The following CCDC74B variants were observed in gnomAD, a reference collection of about 807,000 sequenced individuals.
CCDC74B encodes the protein coiled-coil domain-containing protein 74B.
Under a neutral mutation model 38.0 loss-of-function variants are expected in CCDC74B, and 34 were observed. The observed-to-expected ratio is 0.89, with a 90% confidence interval of 0.68 to 1.19. The LOEUF (loss-of-function observed/expected upper bound fraction) is 1.19, where lower values mean the gene tolerates loss of function less well. Among genes scored for constraint, CCDC74B ranks in the 50% most tolerant of loss-of-function variants. The pLI is 0.00. For missense variants in CCDC74B, 358 were observed against 406.0 expected (o/e 0.88, Z 1.02); for synonymous variants, 132 against 170.4 (o/e 0.77, Z 1.76).
intron 1 of CCDC74B, chr2:130,144,351 G>A (rs1458507985): frequency 2.5e-6 from 2 of 787,138 alleles, no homozygotes; most frequent in African/African-American, 3.4e-5. Flanking sequence ...GTGTTAGCCA[G>A]GATGGTCTCG....
chr2:130,144,973 A>G lies in CCDC74B; in HGVS notation c.24T>C (p.Ala8=), dbSNP rs1166902892. 2.0e-6 allele frequency: 3 copies of G among 1,475,442 alleles called. No homozygotes were observed. In the African/African-American group the frequency reaches 4.3e-5, roughly 21 times the overall value. 91.4% of individuals were successfully genotyped at this position (1,475,442 alleles called of 1,614,324 possible). MSGAGVA[A]GTRPPSSPTP... is the part of the protein sequence containing the mutation. ...TCGGCGAGCTGGGGGGCCGCGTCCC[A>G]GCCGCCACCCCCGCACCGCTCATAT... The change falls in exon 1 of 8, where the codon GCT becomes GCC. Residue 8 remains alanine, a synonymous_variant. Coordinates refer to ENST00000409943, the MANE Select transcript of CCDC74B (RefSeq NM_001258307.2).
At position 130,144,753 on chromosome 2, in the gene CCDC74B, T is replaced by C. The variant is rs1685925876; in HGVS notation, c.244A>G (p.Asn82Asp). ...HEEIEHLKRE[N>D]KDLRYKLIMN... ...GGGCCCCGCGCCGGCTCACCCTTGTTTTCCCGCTTCAGATGCTCGATCTCC... is the reference window on the plus strand; with the variant it reads ...GGGCCCCGCGCCGGCTCACCCTTGTCTTCCCGCTTCAGATGCTCGATCTCC... Residue 82 changes from asparagine (N) to aspartate (D), a missense_variant, in exon 1 of 8, where the codon AAC becomes GAC. Physicochemically the swap from Asn to Asp is conservative, Grantham distance 23. Coordinates refer to ENST00000409943, the MANE Select transcript of CCDC74B (RefSeq NM_001258307.2). 6.2e-7 allele frequency: 1 copy of C among 1,612,214 alleles called. No individual in the cohort carries two copies. The highest frequency in any genetic ancestry group is 1.3e-5 in the African/African-American group (1 of 74,466).
chr2:130,144,198 G>C (rs889587419), intron 1 of CCDC74B, among the ~76,000 whole-genome samples: 98 of 152,280 alleles, frequency 6.4e-4, no homozygotes, highest in Admixed American at 1.1e-3. Flanking sequence ...GGAGTGCAGT[G>C]GCAAGATCTC....
At position 130,143,301 on chromosome 2, in the gene CCDC74B, T is replaced by G. The variant is rs1476671424; in HGVS notation, c.263A>C (p.Lys88Thr). 7 of 1,613,960 alleles carry G rather than the reference T, an allele frequency of 4.3e-6. No individual in the cohort carries two copies. Among genetic ancestry groups the G allele is most frequent in the Non-Finnish European group, 5.9e-6 (7 of 1,179,854 alleles). ...CTGTGATGTCTGATTCATTATGAGC[T>G]TGTAACGGAGATCTGAAAGCAAGCA... is the stretch of plus-strand genomic sequence containing the variant. ...LKRENKDLRY[K>T]LIMNQTSQKK... Residue 88 changes from lysine (K) to threonine (T), a missense_variant, in exon 2 of 8, where the codon AAG (lysine) becomes ACG (threonine). Coordinates refer to ENST00000409943, the MANE Select transcript of CCDC74B (RefSeq NM_001258307.2).
At position 130,139,568 on chromosome 2, in the gene CCDC74B, C is replaced by T. The variant is rs146190210; in HGVS notation, c.932G>A (p.Arg311His). Residue 311 changes from arginine (R) to histidine (H), a missense_variant, in exon 8 of 8, where the codon CGC becomes CAC. Physicochemically the swap from Arg to His is conservative, Grantham distance 29. This residue lies in a region of CCDC74B where 213 missense variants were observed against 212.3 expected (regional missense o/e 1.00). Coordinates refer to ENST00000409943, the MANE Select transcript of CCDC74B (RefSeq NM_001258307.2). ...GATGCGGGTAGCTCAAAGCACCGAG[C>T]GATGCAGGCGCCGTTTCTGCATTGC... is the stretch of plus-strand genomic sequence containing the variant. ...LQAMQKRRLH[R>H]SVL 4.2e-5 allele frequency: 68 copies of T among 1,613,384 alleles called. 1 individual carries two copies. In the African/African-American group the frequency reaches 7.1e-4, roughly 17 times the overall value.
chr2:130,142,433 G>A (rs747536088), intron 2 of CCDC74B: 40 of 1,613,338 alleles, frequency 2.5e-5, no homozygotes, highest in Non-Finnish European at 3.0e-5. Context: ...CCGAGGGAGA[G>A]CATGGCCTCT....
chr2:130,140,217 G>A lies in CCDC74B; in HGVS notation c.640C>T (p.Arg214Cys), dbSNP rs750987487. Reference sequence around the variant, plus strand: ...AGGAGGTTGGTATTCCACAGCTCGCGGATGAGCACTTCGCACTGCCTAAGT... The same window carrying A: ...AGGAGGTTGGTATTCCACAGCTCGCAGATGAGCACTTCGCACTGCCTAAGT... Reference protein sequence around the residue: ...TTLRQCEVLIRELWNTNLLQT... With the variant: ...TTLRQCEVLICELWNTNLLQT... Residue 214 changes from arginine to cysteine, a missense_variant, in exon 5 of 8, where the codon CGC becomes TGC. Physicochemically the swap from Arg to Cys is radical, Grantham distance 180. Transcript: ENST00000409943. 37 of 1,613,236 alleles carry A rather than the reference G, an allele frequency of 2.3e-5. No individual in the cohort carries two copies. Among genetic ancestry groups the A allele is most frequent in the South Asian group, 3.3e-5 (3 of 91,060 alleles).
rs10184921 is a variant in CCDC74B, at chr2:130,140,123, G to A, written c.679-27C>T. 4.5e-4 allele frequency: 731 copies of A among 1,612,774 alleles called. 3 individuals are homozygous for A. In the African/African-American group the frequency reaches 8.4e-3, roughly 19 times the overall value. ...TGAAAGGCAGGGGCAGGGGCGTGGT[G>A]GGGCCTGTGGCGGTGCCAGACTGCC... On this transcript the variant is annotated intron_variant, in intron 5 of 7. Coordinates refer to ENST00000409943, the MANE Select transcript of CCDC74B (RefSeq NM_001258307.2).
Position 130,139,339 on chromosome 2 carries a change from T to C in CCDC74B, c.*216A>G. On this transcript the variant is annotated 3_prime_UTR_variant, in exon 8 of 8. Transcript: ENST00000409943. ...TTTCAACAGGTAAGGCGATACCTGC[T>C]TCATCGTGTGCTTTTATGTAAATGC... The C allele has an allele frequency of 4.9e-6, 3 of 609,938 alleles. No homozygotes were observed. The highest frequency in any genetic ancestry group is 8.6e-6 in the Non-Finnish European group (3 of 350,768). The allele number at this position is 609,938 out of a possible 1,614,324, so 37.8% of individuals were successfully genotyped here.
At position 130,140,266 on chromosome 2, in the gene CCDC74B, G is replaced by A. The variant is rs772159417; in HGVS notation, c.591C>T (p.Pro197=). Residue 197 remains proline, a synonymous_variant, in exon 5 of 8, where the codon CCC becomes CCT. Transcript: ENST00000409943. Reference sequence around the variant, plus strand: ...GTGTGGTGGGCTTTCGCAGGGGAAGGGGCAGGATCATTGGGGGGTGTGCCG... The same window carrying A: ...GTGTGGTGGGCTTTCGCAGGGGAAGAGGCAGGATCATTGGGGGGTGTGCCG... ...GAAAHPPMIL[P]LPLRKPTTLR... The A allele has an allele frequency of 3.7e-6, 6 of 1,613,416 alleles. No homozygotes were observed. In the East Asian group the frequency reaches 1.1e-4, roughly 30 times the overall value.
chr2:130,144,687 G>A (rs766458831), intron 1 of CCDC74B, 60 bp downstream of exon 1: 94 of 1,591,886 alleles, frequency 5.9e-5, no homozygotes, highest in Non-Finnish European at 7.2e-5. Context: ...TGCTGCGGGA[G>A]CGGCAGTGTT....
chr2:130,144,746 C>A lies in CCDC74B; in HGVS notation c.250+1G>T. On this transcript the variant is annotated splice_donor_variant, in intron 1 of 7. Coordinates refer to ENST00000409943, the MANE Select transcript of CCDC74B (RefSeq NM_001258307.2). LOFTEE classifies it high-confidence loss of function. ...CGGCCTAGGGCCCCGCGCCGGCTCA[C>A]CCTTGTTTTCCCGCTTCAGATGCTC... The A allele has an allele frequency of 6.2e-7, 1 of 1,611,958 alleles. No individual in the cohort carries two copies. Among genetic ancestry groups the A allele is most frequent in the Non-Finnish European group, 8.5e-7 (1 of 1,179,392 alleles).
At position 130,139,718 on chromosome 2, in the gene CCDC74B, G is replaced by A. The variant is rs144853884; in HGVS notation, c.810-28C>T. On this transcript the variant is annotated intron_variant, in intron 7 of 7. Coordinates refer to ENST00000409943, the MANE Select transcript of CCDC74B (RefSeq NM_001258307.2). ...GGGGGCGGGTAGAGGGACTGTCACC[G>A]TGAGCATCCTCGCGAGTGGAGTGTG... is the stretch of plus-strand genomic sequence containing the variant. The A allele has an allele frequency of 6.7e-4, 1,081 of 1,612,006 alleles. 5 individuals carry two copies. The African/African-American group carries it at 0.012, about 18-fold the overall frequency.
Position 130,142,157 on chromosome 2 carries a change from A to G in CCDC74B, c.322T>C (p.Ser108Pro). ...CCTGAATTAGAGATGGACTTGACAG[A>G]CTGGAAGCTTGACGTGGAGAGGCTG... is the stretch of plus-strand genomic sequence containing the variant. ...KDSLSTSSFQ[S>P]VKSISNSGKA... Residue 108 changes from serine to proline, a missense_variant, in exon 3 of 8, where the codon TCT (serine) becomes CCT (proline). By Grantham distance (74) the Ser-to-Pro change is moderately conservative (BLOSUM62 -1). Coordinates refer to ENST00000409943, the MANE Select transcript of CCDC74B (RefSeq NM_001258307.2). 6.2e-7 allele frequency: 1 copy of G among 1,613,708 alleles called. No homozygotes were observed. Among genetic ancestry groups the G allele is most frequent in the African/African-American group, 1.3e-5 (1 of 75,048 alleles).
intron 2 of CCDC74B, chr2:130,143,050 C>T (rs779821132): frequency 3.4e-6 from 5 of 1,489,774 alleles, no homozygotes; most frequent in Non-Finnish European, 4.5e-6. Flanking sequence ...GCAATGACCT[C>T]AGGCCCTGGG....
At chr2:130,143,128 C>T in intron 2 of CCDC74B, 141 bp downstream of exon 2, 1 of 1,521,854 alleles carries the variant, frequency 6.6e-7, no homozygotes, top group Middle Eastern at 1.8e-4. Context: ...GAGGTAGCGG[C>T]ATCTGTCCAG....
At position 130,141,236 on chromosome 2, in the gene CCDC74B, T is replaced by C. The variant is rs1341908015; in HGVS notation, c.407A>G (p.Gln136Arg). Residue 136 changes from glutamine to arginine, a missense_variant, in exon 4 of 8, where the codon CAG becomes CGG. Physicochemically the swap from Gln to Arg is conservative, Grantham distance 43. Coordinates refer to ENST00000409943, the MANE Select transcript of CCDC74B (RefSeq NM_001258307.2). ...GGGCTCCTCTTCCAGGTCCGCCTTC[T>C]GGGGGACGTCAGCTTTTGAATCTTG... The part of the protein sequence containing the change: ...NKQDSKADVP[Q>R]KADLEEEPLL... 3.1e-6 allele frequency: 5 copies of C among 1,597,124 alleles called. 1 individual carries two copies. Among genetic ancestry groups the C allele is most frequent in the Non-Finnish European group, 4.3e-6 (5 of 1,165,418 alleles).
intron 3 of CCDC74B, 126 bp downstream of exon 3, chr2:130,142,007 C>A: frequency 1.4e-6 from 2 of 1,477,052 alleles, no homozygotes; most frequent in Non-Finnish European, 1.8e-6. Context: ...TCAGCTGCAC[C>A]TTCATCCCCA....
rs376065440 is a variant in CCDC74B, at chr2:130,143,191, G to C, written c.295+78C>G. ...TGGCATACAGGGGCCAGTGCAGCCA[G>C]GTGGGCAAGGACAGTCTGGAGGGGC... is the stretch of plus-strand genomic sequence containing the variant. On this transcript the variant is annotated intron_variant, in intron 2 of 7. Coordinates refer to ENST00000409943, the MANE Select transcript of CCDC74B (RefSeq NM_001258307.2). 2.5e-5 allele frequency: 39 copies of C among 1,565,630 alleles called. No individual in the cohort carries two copies. The African/African-American group carries it at 4.6e-4, about 19-fold the overall frequency.
Sources: allele counts gnomAD v4.1 joint callset (sites outside exome capture counted in the v4.1 genomes callset), GRCh38; gene constraint gnomAD v4.1.1; regional missense constraint gnomAD v4.1.1; transcripts MANE v1.5; gene names NCBI Gene and HGNC (gene_info 2026-07-23, HGNC 2026-07-21).